The following PI4K2A variants were observed in gnomAD, a reference collection of about 807,000 sequenced individuals.
PI4K2A encodes the protein phosphatidylinositol 4-kinase type 2 alpha.
PI4K2A carries 20 observed loss-of-function variants against 55.0 expected under a neutral mutation model. The observed-to-expected ratio is 0.36, with a 90% CI of 0.26 to 0.53. PI4K2A has a LOEUF of 0.53. PI4K2A is among the 20% of genes least tolerant of loss of function. PI4K2A has a pLI of 0.91. For missense variants in PI4K2A, 463 were observed against 637.1 expected (o/e 0.73, Z 2.94); for synonymous variants, 235 against 258.5 (o/e 0.91, Z 0.87).
chr10:97,652,914 C>T (rs1417201611), intron 2 of PI4K2A, among the ~76,000 whole-genome samples: 2 of 152,158 alleles, frequency 1.3e-5, no homozygotes, highest in East Asian at 1.9e-4. Context: ...AAAGTTCTTC[C>T]AACTTTAGGT....
chr10:97,673,821 G>C, exon 9 of PI4K2A: 1 of 1,364,842 alleles, frequency 7.3e-7, no homozygotes, highest in African/African-American at 1.4e-5. Context: ...AAAAGCCAGA[G>C]AAGCCGGTGG....
rs1029820170 is a variant in PI4K2A, at chr10:97,665,798, A to G, written c.1085-640A>G. 2.7e-5 allele frequency among the ~76,000 whole-genome samples: 4 copies of G among 150,798 alleles called. No homozygotes were observed. The South Asian group carries it at 8.4e-4, about 32-fold the overall frequency. The stretch of plus-strand genomic sequence containing the variant: ...AGTAGAGACAGGGTTTCAGTGTGTT[A>G]GCCAAGATGATCTCAATCTCCTGAC... On this transcript the variant is annotated intron_variant, in intron 6 of 8. Coordinates refer to ENST00000370631, the Ensembl canonical transcript of PI4K2A.
intron 8 of PI4K2A, among the ~76,000 whole-genome samples, chr10:97,667,914 C>T (rs2041617334): frequency 6.6e-6 from 1 of 152,182 alleles, no homozygotes; most frequent in Non-Finnish European, 1.5e-5. Context: ...GAGTACTGGG[C>T]ACATGAAGCA....
Position 97,650,928 on chromosome 10 carries a change from T to C in PI4K2A, c.436-13T>C. 1.9e-6 allele frequency: 3 copies of C among 1,594,278 alleles called. No individual in the cohort carries two copies. The highest frequency in any genetic ancestry group is 2.2e-5 in the South Asian group (2 of 90,218). On this transcript the variant is annotated splice_polypyrimidine_tract_variant and intron_variant, in intron 1 of 8. Coordinates refer to ENST00000370631, the Ensembl canonical transcript of PI4K2A. ...CTCGGATTTAACATCCTCTTTTTCT[T>C]TGGTCTCTGTAGAGGATCATTGCTG...
intron 4 of PI4K2A, among the ~76,000 whole-genome samples, chr10:97,660,859 AC>A (rs944363414): frequency 5.3e-5 from 8 of 151,272 alleles, no homozygotes; most frequent in African/African-American, 1.9e-4. Context: ...GGTATAATAA[AC>A]CCCATGTACT....
chr10:97,664,984 T>C (rs1378455145), exon 6 of PI4K2A: 2 of 1,596,552 alleles, frequency 1.3e-6, no homozygotes, highest in Admixed American at 3.3e-5. Flanking sequence ...CTGGAGGGCA[T>C]GTAAGTCTCC....
intron 4 of PI4K2A, among the ~76,000 whole-genome samples, chr10:97,661,789 A>G (rs1222700144): frequency 6.6e-6 from 1 of 151,202 alleles, no homozygotes; most frequent in African/African-American, 2.4e-5. Flanking sequence ...GGCATCCCCA[A>G]TTCTCTGTGT....
intron 1 of PI4K2A, 64 bp downstream of exon 1, chr10:97,641,241 G>C: frequency 3.2e-6 from 4 of 1,253,348 alleles, no homozygotes; most frequent in Non-Finnish European, 4.5e-6. Context: ...GGGGAGTTGG[G>C]GGCTTCGCAC....
exon 9 of PI4K2A, chr10:97,676,413 A>G (rs2041664947): frequency 6.6e-6 from 1 of 152,248 alleles, no homozygotes; most frequent in Admixed American, 6.5e-5. Flanking sequence ...AGAGCCAAAA[A>G]TAAAAAATCT....
chr10:97,654,956 C>A (rs2041545532), intron 2 of PI4K2A, among the ~76,000 whole-genome samples: 1 of 152,096 alleles, frequency 6.6e-6, no homozygotes. Context: ...CATTCAGTTT[C>A]CTTCCTCAGA....
chr10:97,640,915 G>T, exon 1 of PI4K2A: 1 of 1,311,172 alleles, frequency 7.6e-7, no homozygotes, highest in South Asian at 2.3e-5. Flanking sequence ...GACCGCGAGC[G>T]GCAGCCACTG....
chr10:97,673,775 G>C (rs751664489), exon 9 of PI4K2A: 1 of 1,606,228 alleles, frequency 6.2e-7, no homozygotes. Flanking sequence ...TATTGTCAGA[G>C]ACTGGTGGGA....
intron 4 of PI4K2A, among the ~76,000 whole-genome samples, chr10:97,661,160 T>G (rs944230985): frequency 6.6e-6 from 1 of 151,678 alleles, no homozygotes; most frequent in Non-Finnish European, 1.5e-5. Context: ...CCCGGCTAAT[T>G]TTTTGTATTT....
At chr10:97,653,325 T>C (rs558757024) in intron 2 of PI4K2A, among the ~76,000 whole-genome samples, 12 of 152,338 alleles carry the variant, frequency 7.9e-5, no homozygotes, top group Admixed American at 2.6e-4. Flanking sequence ...GGGCAAGTCA[T>C]GTAACCTCCC....
exon 1 of PI4K2A, chr10:97,641,107 A>T (rs1564771782): frequency 6.2e-7 from 1 of 1,609,166 alleles, no homozygotes; most frequent in East Asian, 2.2e-5. Flanking sequence ...CTGGCCATCG[A>T]GCGCTGCATC....
At chr10:97,669,408 T>G (rs1442460171) in intron 8 of PI4K2A, among the ~76,000 whole-genome samples, 3 of 152,180 alleles carry the variant, frequency 2.0e-5, no homozygotes, top group Non-Finnish European at 4.4e-5. Flanking sequence ...CCATCCCAGC[T>G]CAGTCCCTTG....
intron 5 of PI4K2A, among the ~76,000 whole-genome samples, chr10:97,663,825 T>C (rs997935455): frequency 6.6e-5 from 6 of 91,446 alleles, no homozygotes; most frequent in African/African-American, 2.5e-4. Flanking sequence ...GTCTCAAAAA[T>C]TAAAAAAAAA....
intron 8 of PI4K2A, among the ~76,000 whole-genome samples, chr10:97,671,579 T>A (rs2041635382): frequency 6.6e-6 from 1 of 152,192 alleles, no homozygotes; most frequent in Non-Finnish European, 1.5e-5. Context: ...AAAAAGGTGA[T>A]GAAGAGATAG....
intron 8 of PI4K2A, 51 bp from the exon 9 acceptor site, chr10:97,673,530 A>C (rs1216460964): frequency 3.9e-6 from 6 of 1,524,194 alleles, no homozygotes; most frequent in Non-Finnish European, 5.5e-6. Flanking sequence ...TCAGAGGCAG[A>C]TCTGGAATGC....
Sources: gnomAD v4.1 joint callset for allele counts (sites outside exome capture counted in the v4.1 genomes callset) on GRCh38, gnomAD v4.1.1 for gene constraint, MANE v1.5 for transcripts, NCBI Gene and HGNC (gene_info 2026-07-23, HGNC 2026-07-21) for gene names.